The following FANCC variants were observed in gnomAD, a reference collection of about 807,000 sequenced individuals.
The protein encoded by FANCC is Fanconi anemia group C protein.
FANCC carries 55 observed loss-of-function variants against 71.3 expected under a neutral mutation model. The ratio of observed to expected loss-of-function variants is 0.77; its 90% CI spans 0.62 to 0.97. The LOEUF (loss-of-function observed/expected upper bound fraction) is 0.97. Among genes scored for constraint, FANCC ranks in the 50% least tolerant of loss-of-function variants. The pLI, the probability that FANCC is intolerant of heterozygous loss-of-function variation, is 0.00. For missense variants in FANCC, 678 were observed against 670.9 expected (o/e 1.01, Z -0.12); for synonymous variants, 275 against 244.9 (o/e 1.12, Z -1.15).
intron 7 of FANCC, among the ~76,000 whole-genome samples, chr9:95,140,755 ACT>A (rs1463100096): frequency 1.3e-5 from 2 of 152,194 alleles, no homozygotes; most frequent in African/African-American, 4.8e-5. Context: ...TGAAAAGAAC[ACT>A]GTTTGATCCT....
At chr9:95,226,774 G>C (rs1049641233) in intron 4 of FANCC, among the ~76,000 whole-genome samples, 1 of 152,266 alleles carries the variant, frequency 6.6e-6, no homozygotes, top group Non-Finnish European at 1.5e-5. Flanking sequence ...AGCAGGGGAG[G>C]AACAAGTGCA....
At chr9:95,189,185 T>C (rs1055502408) in intron 4 of FANCC, among the ~76,000 whole-genome samples, 1 of 151,884 alleles carries the variant, frequency 6.6e-6, no homozygotes, top group Non-Finnish European at 1.5e-5. Flanking sequence ...AAATCCTGCC[T>C]TCAATGTTTT....
At chr9:95,110,769 C>T (rs879452110) in intron 13 of FANCC, 2 of 1,102,886 alleles carry the variant, frequency 1.8e-6, no homozygotes, top group Non-Finnish European at 2.2e-6. Flanking sequence ...GTTTTAAGAA[C>T]CTAGCAAATC....
At chr9:95,311,122 T>C (rs1382312978) in intron 1 of FANCC, among the ~76,000 whole-genome samples, 1 of 150,436 alleles carries the variant, frequency 6.6e-6, no homozygotes, top group East Asian at 2.0e-4. Flanking sequence ...TGGGCTCCTG[T>C]AGTCCCAGCT....
At chr9:95,307,099 C>G (rs1027617909) in intron 1 of FANCC, among the ~76,000 whole-genome samples, 2 of 152,056 alleles carry the variant, frequency 1.3e-5, no homozygotes, top group Admixed American at 6.6e-5. Flanking sequence ...TGCCCAGGCT[C>G]GTCCTGAACT....
chr9:95,239,871 T>C (rs1291242679), intron 4 of FANCC, among the ~76,000 whole-genome samples: 7 of 152,332 alleles, frequency 4.6e-5, no homozygotes, highest in Non-Finnish European at 1.0e-4. Context: ...GGTTGGATGA[T>C]TTCATAATAC....
At chr9:95,157,918 A>G (rs1339120411) in intron 6 of FANCC, among the ~76,000 whole-genome samples, 1 of 152,196 alleles carries the variant, frequency 6.6e-6, no homozygotes, top group Non-Finnish European at 1.5e-5. Context: ...TACTTGATAA[A>G]TGTCCCCAGA....
At chr9:95,206,036 C>T (rs906495798) in intron 4 of FANCC, among the ~76,000 whole-genome samples, 7 of 152,122 alleles carry the variant, frequency 4.6e-5, no homozygotes, top group Middle Eastern at 3.2e-3. Flanking sequence ...CTGAAACAGG[C>T]TTCAGGAGTA....
rs864622514 is a variant in FANCC, at chr9:95,111,536, G to C, written c.1256C>G (p.Pro419Arg). The change falls in exon 13 of 15, where the codon CCC (proline) becomes CGC (arginine). Residue 419 changes from proline to arginine, a missense_variant. Coordinates refer to ENST00000289081, the MANE Select transcript of FANCC (RefSeq NM_000136.3). ...EQLLMSAAEP[P>R]TALLWLLAFY... ...GGCCAAGAGCCACAGCAGGGCCGTG[G>C]GGGGTTCGGCTGCCGACATCAGTAA... 1.9e-6 allele frequency: 3 copies of C among 1,614,152 alleles called. No homozygotes were observed. The highest frequency in any genetic ancestry group is 2.5e-6 in the Non-Finnish European group (3 of 1,180,044).
At chr9:95,292,354 C>T in intron 1 of FANCC, 2 of 943,362 alleles carry the variant, frequency 2.1e-6, no homozygotes, top group Non-Finnish European at 2.5e-6. Context: ...GCCTCGGAGG[C>T]GGTGGCGGCG....
At chr9:95,224,163 C>G (rs560339801) in intron 4 of FANCC, among the ~76,000 whole-genome samples, 1 of 152,210 alleles carries the variant, frequency 6.6e-6, no homozygotes, top group South Asian at 2.1e-4. Context: ...GGTCTCTGAA[C>G]ACATAAACAT....
At chr9:95,134,430 C>G (rs1827347106) in intron 8 of FANCC, among the ~76,000 whole-genome samples, 1 of 152,156 alleles carries the variant, frequency 6.6e-6, no homozygotes, top group Non-Finnish European at 1.5e-5. Flanking sequence ...GTCCCGGCCA[C>G]TAACTAAAGA....
At chr9:95,245,702 G>A (rs4647425) in intron 3 of FANCC, among the ~76,000 whole-genome samples, 1,717 of 151,860 alleles carry the variant, frequency 0.011, 32 homozygotes, top group African/African-American at 0.039. Context: ...TTTGAGACCA[G>A]CCTGGCCAAC....
chr9:95,256,791 T>C (rs775782841), intron 1 of FANCC, among the ~76,000 whole-genome samples: 2 of 151,462 alleles, frequency 1.3e-5, no homozygotes, highest in Non-Finnish European at 2.9e-5. Flanking sequence ...AGGAGACCCA[T>C]CTCACGTGCA....
chr9:95,211,599 C>T (rs1828504284), intron 4 of FANCC, among the ~76,000 whole-genome samples: 2 of 152,072 alleles, frequency 1.3e-5, no homozygotes, highest in South Asian at 2.1e-4. Flanking sequence ...AAATGTCTGC[C>T]GGGATAAAAC....
At chr9:95,116,005 A>G (rs911175030) in intron 11 of FANCC, among the ~76,000 whole-genome samples, 3 of 152,264 alleles carry the variant, frequency 2.0e-5, no homozygotes, top group Non-Finnish European at 4.4e-5. Context: ...TAATATACAG[A>G]CAGCTCTTCT....
chr9:95,256,864 A>G (rs1164451977), intron 1 of FANCC, among the ~76,000 whole-genome samples: 1 of 152,212 alleles, frequency 6.6e-6, no homozygotes, highest in Non-Finnish European at 1.5e-5. Context: ...TGGAAAGAAA[A>G]AAAAAAGCAG....
chr9:95,275,730 G>C (rs537182088), intron 1 of FANCC, among the ~76,000 whole-genome samples: 4 of 152,156 alleles, frequency 2.6e-5, no homozygotes, highest in African/African-American at 9.6e-5. Flanking sequence ...TAGCCAAACA[G>C]AACCCAAACC....
At chr9:95,257,798 GAAGAA>G (rs1831765601) in intron 1 of FANCC, among the ~76,000 whole-genome samples, 1 of 152,096 alleles carries the variant, frequency 6.6e-6, no homozygotes, top group Non-Finnish European at 1.5e-5. Context: ...GACTAATAAA[GAAGAA>G]AAGAGAGAAG....
Sources: allele counts gnomAD v4.1 joint callset (sites outside exome capture counted in the v4.1 genomes callset), GRCh38; gene constraint gnomAD v4.1.1; transcripts MANE v1.5; gene names NCBI Gene and HGNC (gene_info 2026-07-23, HGNC 2026-07-21).